Variants in STARD9 observed in about 807,000 individuals in gnomAD.
The protein encoded by STARD9 is StAR related lipid transfer domain containing 9, also known as stAR-related lipid transfer protein 9.
STARD9 carries 346 observed loss-of-function variants against 399.8 expected under a neutral mutation model. That is an observed-to-expected ratio of 0.87 (90% CI 0.79 to 0.95). The LOEUF (loss-of-function observed/expected upper bound fraction) is 0.95. STARD9 is among the 40% of genes least tolerant of loss of function. STARD9 has a pLI of 0.00. For synonymous variants in STARD9, 2,203 were observed against 2,143.5 expected (o/e 1.03, Z -0.77); for missense variants, 5,832 against 5,667.5 (o/e 1.03, Z -0.93).
intron 20 of STARD9, 135 bp downstream of exon 20, chr15:42,676,110 C>A: frequency 1.4e-6 from 1 of 716,604 alleles, no homozygotes. Context: ...TCTGAATCAA[C>A]TTGGGCAAGT....
rs772711783 is a variant in STARD9, at chr15:42,690,042, C to T, written c.8464C>T (p.Gln2822Ter). ...FESQSVTCDVQNSTSASGPKQ... is the reference protein window; with the variant it reads ...FESQSVTCDV ...AAGTCAGTCTGTGACCTGTGATGTT[C>T]AGAATTCTACAAGTGCCTCAGGGCC... Residue 2822 changes from glutamine to a stop codon, truncating the protein, a stop_gained, in exon 23 of 33, where the codon CAG becomes TAG. Transcript: ENST00000290607. LOFTEE classifies it high-confidence loss of function. The T allele has an allele frequency of 6.5e-7, 1 of 1,537,336 alleles. No individual in the cohort carries two copies. The highest frequency in any genetic ancestry group is 1.4e-5 in the African/African-American group (1 of 73,044).
chr15:42,678,025 C>T (rs931320448), intron 20 of STARD9, among the ~76,000 whole-genome samples: 21 of 152,208 alleles, frequency 1.4e-4, no homozygotes, highest in Non-Finnish European at 2.9e-5. Flanking sequence ...ACAGGAATTT[C>T]AGAATCAAGG....
At chr15:42,650,392 A>G (rs2059736208) in intron 7 of STARD9, among the ~76,000 whole-genome samples, 1 of 152,218 alleles carries the variant, frequency 6.6e-6, no homozygotes, top group African/African-American at 2.4e-5. Flanking sequence ...CCAGCCATGA[A>G]GATTTACTTT....
At chr15:42,651,248 G>C (rs866997085) in intron 8 of STARD9, among the ~76,000 whole-genome samples, 163 bp downstream of exon 8, 1 of 152,184 alleles carries the variant, frequency 6.6e-6, no homozygotes, top group African/African-American at 2.4e-5. Context: ...CACAGGGTAA[G>C]GGGTGGTGAC....
At position 42,608,807 on chromosome 15, in the gene STARD9, G is replaced by A. The variant is rs188552931; in HGVS notation, c.234+23170G>A. On this transcript the variant is annotated intron_variant, in intron 3 of 32. Transcript: ENST00000290607. ...TTTATCTTGCCTGAAGATCAAATAT[G>A]TGGAAATTAATGCAGAAAGGATTGG... Among the ~76,000 whole-genome samples the A allele has an allele frequency of 3.2e-3, 488 of 152,318 alleles. 6 individuals are homozygous for A. The highest frequency in any genetic ancestry group is 0.011 in the African/African-American group (464 of 41,568).
chr15:42,637,898 G>C lies in STARD9; in HGVS notation c.352-9G>C. ...AAACAATAATGCTTTCCTTTCTTCT[G>C]TTCACCAGGCCTCTGTTGGGTTGAC... On this transcript the variant is annotated splice_polypyrimidine_tract_variant and intron_variant, in intron 4 of 32. Transcript: ENST00000290607. 1 of 1,537,162 alleles carries C rather than the reference G, an allele frequency of 6.5e-7. No individual in the cohort carries two copies. The highest frequency in any genetic ancestry group is 8.7e-7 in the Non-Finnish European group (1 of 1,146,878).
intron 26 of STARD9, among the ~76,000 whole-genome samples, chr15:42,704,097 G>T (rs1347361950): frequency 6.6e-6 from 1 of 152,000 alleles, no homozygotes; most frequent in Non-Finnish European, 1.5e-5. Flanking sequence ...TTTTAGTAGA[G>T]ATGGGGTTTT....
chr15:42,605,813 C>T (rs1464356328), intron 3 of STARD9, among the ~76,000 whole-genome samples: 1 of 152,174 alleles, frequency 6.6e-6, no homozygotes, highest in East Asian at 1.9e-4. Context: ...CCCATAATTA[C>T]TTTTCTTTCT....
chr15:42,686,767 C>G lies in STARD9; in HGVS notation c.5189C>G (p.Ala1730Gly). The part of the protein sequence containing the change: ...PSGPELYLHS[A>G]PWNPLSSSLQ... ...GGTCCAGAGCTATACCTTCACTCTG[C>G]TCCCTGGAATCCATTGTCATCTTCC... is the stretch of plus-strand genomic sequence containing the variant. Residue 1730 changes from alanine (A) to glycine (G), a missense_variant, in exon 23 of 33, where the codon GCT (alanine) becomes GGT (glycine). Around this residue, in one of 2 missense-constraint regions of STARD9, gnomAD observed 5,828 missense variants for 5,651.1 expected, o/e 1.03. Transcript: ENST00000290607. 1 of 1,537,408 alleles carries G rather than the reference C, an allele frequency of 6.5e-7. No individual in the cohort carries two copies. Among genetic ancestry groups the G allele is most frequent in the Non-Finnish European group, 8.7e-7 (1 of 1,146,946 alleles).
chr15:42,656,167 C>T (rs1177076019), intron 9 of STARD9, among the ~76,000 whole-genome samples: 1 of 151,616 alleles, frequency 6.6e-6, no homozygotes, highest in Non-Finnish European at 1.5e-5. Context: ...ACCAGCCTGG[C>T]CCACATGGCG....
intron 29 of STARD9, 34 bp downstream of exon 29, chr15:42,717,829 G>C (rs1176855826): frequency 4.6e-6 from 7 of 1,532,946 alleles, no homozygotes; most frequent in Non-Finnish European, 5.2e-6. Flanking sequence ...TACAGTGTCT[G>C]TCTTGGTAAG....
At chr15:42,654,307 A>G (rs983450143) in intron 9 of STARD9, among the ~76,000 whole-genome samples, 1 of 152,212 alleles carries the variant, frequency 6.6e-6, no homozygotes, top group South Asian at 2.1e-4. Context: ...TTCAGATTGC[A>G]TAAAAGCAAG....
At chr15:42,695,370 A>G (rs990163674) in intron 25 of STARD9, 47 bp downstream of exon 25, 1 of 1,465,650 alleles carries the variant, frequency 6.8e-7, no homozygotes, top group Admixed American at 2.1e-5. Context: ...CCTGGACCTC[A>G]GACTGGTACA....
At chr15:42,705,056 G>T (rs1182241076) in intron 26 of STARD9, among the ~76,000 whole-genome samples, 1 of 152,206 alleles carries the variant, frequency 6.6e-6, no homozygotes, top group African/African-American at 2.4e-5. Flanking sequence ...CACAATCTTT[G>T]TCCGTGGGCA....
At chr15:42,681,655 C>G (rs2060430951) in intron 21 of STARD9, 43 bp downstream of exon 21, 1 of 1,458,790 alleles carries the variant, frequency 6.9e-7, no homozygotes, top group African/African-American at 1.4e-5. Context: ...CCTCCTTATT[C>G]TTTCATTTTC....
At chr15:42,649,482 A>T (rs2059714272) in intron 7 of STARD9, among the ~76,000 whole-genome samples, 1 of 151,548 alleles carries the variant, frequency 6.6e-6, no homozygotes, top group African/African-American at 2.4e-5. Context: ...TATTTCTCAG[A>T]TATCCATTTT....
chr15:42,661,145 T>G lies in STARD9; in HGVS notation c.703-13T>G. The stretch of plus-strand genomic sequence containing the variant: ...CGTTCCAAATGACAGGCTTTAAATG[T>G]TTTCTCCTCTAGGCAATCCTGGAGA... On this transcript the variant is annotated splice_polypyrimidine_tract_variant and intron_variant, in intron 9 of 32. Coordinates refer to ENST00000290607, the MANE Select transcript of STARD9 (RefSeq NM_020759.3). 6.5e-7 allele frequency: 1 copy of G among 1,530,832 alleles called. No individual in the cohort carries two copies. Among genetic ancestry groups the G allele is most frequent in the Non-Finnish European group, 8.8e-7 (1 of 1,141,204 alleles). The allele number at this position is 1,530,832 out of a possible 1,614,324, so 94.8% of individuals were successfully genotyped here.
chr15:42,600,424 T>C (rs1415998520), intron 3 of STARD9, among the ~76,000 whole-genome samples: 1 of 152,176 alleles, frequency 6.6e-6, no homozygotes, highest in Non-Finnish European at 1.5e-5. Context: ...CAAACATTTA[T>C]CTATTATATG....
At chr15:42,676,043 AT>A in intron 20 of STARD9, 68 bp downstream of exon 20, 1 of 309,156 alleles carries the variant, frequency 3.2e-6, no homozygotes, top group South Asian at 2.1e-5. Context: ...GACAGCATGG[AT>A]CAGGGTGGGG....
Sources: gnomAD v4.1 joint callset for allele counts (sites outside exome capture counted in the v4.1 genomes callset) on GRCh38, gnomAD v4.1.1 for gene constraint, gnomAD v4.1.1 regional missense constraint, MANE v1.5 for transcripts, NCBI Gene and HGNC (gene_info 2026-07-23, HGNC 2026-07-21) for gene names.